Variants in CARMIL1 observed in about 807,000 individuals in gnomAD.
The protein encoded by CARMIL1 is capping protein regulator and myosin 1 linker 1, also known as F-actin-uncapping protein LRRC16A.
Under a neutral mutation model 177.1 loss-of-function variants are expected in CARMIL1, and 90 were observed. The ratio of observed to expected loss-of-function variants is 0.51; its 90% CI spans 0.43 to 0.61. The LOEUF is 0.61. Ranked by LOEUF, CARMIL1 falls within the 20% of genes least tolerant of loss-of-function variation. The pLI is 0.00. For synonymous variants in CARMIL1, 577 were observed against 606.2 expected (o/e 0.95, Z 0.71); for missense variants, 1,380 against 1,667.0 (o/e 0.83, Z 3.00).
At chr6:25,325,536 G>T (rs1016955930) in intron 2 of CARMIL1, among the ~76,000 whole-genome samples, 5 of 152,070 alleles carry the variant, frequency 3.3e-5, no homozygotes, top group African/African-American at 1.2e-4. Context: ...TAATTTGCTT[G>T]GCTTAAAGGG....
At chr6:25,494,379 A>G (rs1431742322) in intron 15 of CARMIL1, among the ~76,000 whole-genome samples, 1 of 152,204 alleles carries the variant, frequency 6.6e-6, no homozygotes, top group African/African-American at 2.4e-5. Flanking sequence ...GAACAAGCAC[A>G]GTGTTCAGAT....
intron 11 of CARMIL1, 122 bp from the exon 12 acceptor site, chr6:25,482,135 G>A (rs893504585): frequency 1.6e-6 from 1 of 620,070 alleles, no homozygotes; most frequent in African/African-American, 2.0e-5. Context: ...AACAAAGTCT[G>A]ATATTAGAAA....
chr6:25,410,547 C>T (rs1452066942), intron 2 of CARMIL1, among the ~76,000 whole-genome samples: 1 of 152,174 alleles, frequency 6.6e-6, no homozygotes, highest in Non-Finnish European at 1.5e-5. Context: ...CCATAGCTGC[C>T]ACTTGTCTCA....
intron 2 of CARMIL1, among the ~76,000 whole-genome samples, chr6:25,314,576 AC>A (rs891552120): frequency 6.6e-6 from 1 of 152,008 alleles, no homozygotes; most frequent in Non-Finnish European, 1.5e-5. Context: ...ATACATTCAC[AC>A]ATGCACTTAT....
intron 31 of CARMIL1, among the ~76,000 whole-genome samples, chr6:25,590,147 G>A (rs543911247): frequency 5.3e-5 from 8 of 152,302 alleles, no homozygotes; most frequent in South Asian, 4.2e-4. Flanking sequence ...ACACTAAATA[G>A]ACACAAAGCA....
chr6:25,573,190 C>T (rs984291019), intron 29 of CARMIL1, among the ~76,000 whole-genome samples: 1 of 152,204 alleles, frequency 6.6e-6, no homozygotes, highest in African/African-American at 2.4e-5. Flanking sequence ...CTTTGAGCCA[C>T]TCTAGGCATT....
In CARMIL1 at chr6:25,450,065, A is replaced by G. The variant is rs184425873; in HGVS notation, c.469+70A>G. ...ATCCCCCTGCCAGGAAGTTAAGTCT[A>G]TTCCTAGTGTGCTACTGTAAAGGTG... On this transcript the variant is annotated intron_variant, in intron 6 of 36. Coordinates refer to ENST00000329474, the MANE Select transcript of CARMIL1 (RefSeq NM_017640.6). The G allele has an allele frequency of 4.8e-4, 616 of 1,270,128 alleles. 7 individuals carry two copies. The East Asian group carries it at 8.7e-3, about 18-fold the overall frequency. The allele number at this position is 1,270,128 out of a possible 1,614,324, so 78.7% of individuals were successfully genotyped here. A position where few individuals can be genotyped will look rare whatever the true frequency, so the allele number is the denominator to read the frequency against.
rs7771709 is a variant in CARMIL1, at chr6:25,477,393, G to A, written c.875-4864G>A. 8.8e-3 allele frequency among the ~76,000 whole-genome samples: 1,343 copies of A among 152,196 alleles called. 19 individuals carry two copies. Among genetic ancestry groups the A allele is most frequent in the African/African-American group, 0.029 (1,222 of 41,490 alleles). On this transcript the variant is annotated intron_variant, in intron 11 of 36. Coordinates refer to ENST00000329474, the MANE Select transcript of CARMIL1 (RefSeq NM_017640.6). ...ATGACTTAGTAAGCAGAGGTATAATGTGTATGAGTAATCCTTCAAATGCTA... is the reference window on the plus strand; with the variant it reads ...ATGACTTAGTAAGCAGAGGTATAATATGTATGAGTAATCCTTCAAATGCTA...
At chr6:25,445,643 T>A (rs1235826848) in intron 5 of CARMIL1, among the ~76,000 whole-genome samples, 1 of 151,564 alleles carries the variant, frequency 6.6e-6, no homozygotes, top group Non-Finnish European at 1.5e-5. Flanking sequence ...CATGCCATTC[T>A]CCTGTCTCAG....
intron 2 of CARMIL1, among the ~76,000 whole-genome samples, chr6:25,348,282 G>T (rs997354087): frequency 6.6e-6 from 1 of 151,764 alleles, no homozygotes; most frequent in Non-Finnish European, 1.5e-5. Context: ...ACAGGCATGC[G>T]CCACCACAGC....
intron 2 of CARMIL1, among the ~76,000 whole-genome samples, chr6:25,316,163 G>A (rs1403320116): frequency 6.6e-6 from 1 of 151,858 alleles, no homozygotes. Flanking sequence ...CAGGAAGACA[G>A]AATTGAAAGT....
intron 4 of CARMIL1, among the ~76,000 whole-genome samples, chr6:25,432,151 C>T (rs1201806203): frequency 6.6e-6 from 1 of 152,114 alleles, no homozygotes; most frequent in Non-Finnish European, 1.5e-5. Flanking sequence ...AACAAGTGCA[C>T]CATTTGATTC....
chr6:25,518,380 T>A (rs1209756112), intron 22 of CARMIL1, among the ~76,000 whole-genome samples: 2 of 152,226 alleles, frequency 1.3e-5, no homozygotes, highest in African/African-American at 2.4e-5. Context: ...AAATGATCTC[T>A]AAGCCCCTTC....
At chr6:25,609,900 G>A (rs1456122693) in intron 35 of CARMIL1, 150 bp from the exon 36 acceptor site, 2 of 823,390 alleles carry the variant, frequency 2.4e-6, no homozygotes, top group East Asian at 2.8e-5. Flanking sequence ...ACTTCACTGA[G>A]CAAAAACACA....
chr6:25,373,477 C>A (rs1199860995), intron 2 of CARMIL1, among the ~76,000 whole-genome samples: 2 of 149,282 alleles, frequency 1.3e-5, no homozygotes, highest in African/African-American at 4.9e-5. Context: ...AGGAATTTGT[C>A]CATTTCCTGT....
intron 29 of CARMIL1, among the ~76,000 whole-genome samples, chr6:25,578,135 G>A (rs895173502): frequency 2.0e-5 from 3 of 152,204 alleles, no homozygotes; most frequent in Admixed American, 6.5e-5. Flanking sequence ...TTTTTCAAAC[G>A]CTGACCCCCC....
intron 11 of CARMIL1, among the ~76,000 whole-genome samples, chr6:25,474,450 A>G (rs960005528): frequency 2.6e-5 from 4 of 152,066 alleles, no homozygotes; most frequent in African/African-American, 7.2e-5. Context: ...AATATATGAT[A>G]TAGATGTTCA....
intron 2 of CARMIL1, among the ~76,000 whole-genome samples, chr6:25,320,538 C>T (rs762162314): frequency 1.3e-3 from 199 of 152,360 alleles, no homozygotes; most frequent in Non-Finnish European, 1.6e-3. Flanking sequence ...ACATATAACA[C>T]CTCATTTTAT....
intron 22 of CARMIL1, among the ~76,000 whole-genome samples, chr6:25,518,320 A>AT (rs1332600995): frequency 6.6e-6 from 1 of 152,170 alleles, no homozygotes; most frequent in Non-Finnish European, 1.5e-5. Flanking sequence ...TGATCAAGGC[A>AT]TTTTACCTCT....
Sources: allele counts gnomAD v4.1 joint callset (sites outside exome capture counted in the v4.1 genomes callset), GRCh38; gene constraint gnomAD v4.1.1; transcripts MANE v1.5; gene names NCBI Gene and HGNC (gene_info 2026-07-23, HGNC 2026-07-21).